The following UBE2K variants were observed in gnomAD, a reference collection of about 807,000 sequenced individuals.
UBE2K encodes ubiquitin conjugating enzyme E2 K.
UBE2K carries 6 observed loss-of-function variants against 30.0 expected under a neutral mutation model. The observed-to-expected ratio is 0.20, with a 90% confidence interval of 0.11 to 0.39. The LOEUF is 0.39. Among genes scored for constraint, UBE2K ranks in the 10% least tolerant of loss-of-function variants. UBE2K has a pLI of 1.00. For missense variants in UBE2K, 61 were observed against 241.6 expected, an observed-to-expected ratio of 0.25 and a Z score of 4.96; for synonymous variants, 86 against 83.7, an observed-to-expected ratio of 1.03 and a Z score of -0.15.
chr4:39,743,154 G>A (rs994906991), intron 2 of UBE2K, among the ~76,000 whole-genome samples: 2 of 152,300 alleles, frequency 1.3e-5, no homozygotes, highest in South Asian at 4.1e-4. Flanking sequence ...TAACAATGGA[G>A]GAGTGAGGAG....
Position 39,740,647 on chromosome 4 carries a change from G to C in UBE2K, c.157+3134G>C, listed in dbSNP as rs191357407. ...GGAGGCTGAGGCGGGCAGATCACGA[G>C]GTCAGGAGATCGAGACCGTCCTGGC... On this transcript the variant is annotated intron_variant, in intron 2 of 6. Coordinates refer to ENST00000261427, the MANE Select transcript of UBE2K (RefSeq NM_005339.5). Among the ~76,000 whole-genome samples the C allele has an allele frequency of 2.5e-3, 377 of 151,710 alleles. 3 individuals are homozygous for C. Among genetic ancestry groups the C allele is most frequent in the African/African-American group, 8.7e-3 (358 of 41,372 alleles).
chr4:39,747,129 G>A (rs537624264), intron 3 of UBE2K, among the ~76,000 whole-genome samples: 2 of 152,274 alleles, frequency 1.3e-5, no homozygotes, highest in Admixed American at 6.5e-5. Context: ...ATTATGGGCT[G>A]CCTATTAGTC....
At chr4:39,748,539 G>A (rs1436035070) in intron 3 of UBE2K, among the ~76,000 whole-genome samples, 1 of 151,922 alleles carries the variant, frequency 6.6e-6, no homozygotes, top group Non-Finnish European at 1.5e-5. Context: ...CAGCACTTTA[G>A]GAAGTCAAGG....
At chr4:39,759,927 A>G (rs916719096) in intron 4 of UBE2K, among the ~76,000 whole-genome samples, 4 of 152,078 alleles carry the variant, frequency 2.6e-5, no homozygotes, top group African/African-American at 4.8e-5. Flanking sequence ...TGTTATCCCA[A>G]CACTTTGGGA....
intron 1 of UBE2K, among the ~76,000 whole-genome samples, chr4:39,723,106 C>T (rs1409246566): frequency 6.6e-6 from 1 of 151,074 alleles, no homozygotes; most frequent in Non-Finnish European, 1.5e-5. Context: ...TGCAGTGGTA[C>T]AACTTCAGCT....
intron 2 of UBE2K, among the ~76,000 whole-genome samples, chr4:39,745,113 A>T (rs1457562791): frequency 6.6e-6 from 1 of 152,188 alleles, no homozygotes; most frequent in East Asian, 1.9e-4. Context: ...CAGTCCTCCC[A>T]CCTCGGCCTC....
rs897366013 is a variant in UBE2K, at chr4:39,738,782, A to T, written c.157+1269A>T. Among the ~76,000 whole-genome samples the T allele has an allele frequency of 1.3e-5, 2 of 151,860 alleles. 1 individual carries two copies. The highest frequency in any genetic ancestry group is 2.9e-5 in the Non-Finnish European group (2 of 67,988). Reference sequence around the variant, plus strand: ...ATCCTCCATCTCCCAGAATCAAGTGATTCTCCTGCCTTAGCCTCCTGAGTA... The same window carrying T: ...ATCCTCCATCTCCCAGAATCAAGTGTTTCTCCTGCCTTAGCCTCCTGAGTA... On this transcript the variant is annotated intron_variant, in intron 2 of 6. Transcript: ENST00000261427.
intron 4 of UBE2K, among the ~76,000 whole-genome samples, chr4:39,764,462 C>T (rs980641917): frequency 6.7e-6 from 1 of 150,352 alleles, no homozygotes; most frequent in Non-Finnish European, 1.5e-5. Flanking sequence ...TTTGCCCCTG[C>T]CAGACATGGT....
intron 2 of UBE2K, among the ~76,000 whole-genome samples, chr4:39,745,230 T>C (rs1007371185): frequency 5.3e-5 from 8 of 152,240 alleles, no homozygotes; most frequent in Admixed American, 6.5e-5. Flanking sequence ...CAAATAAGTA[T>C]TGACATTTAA....
chr4:39,702,129 A>C (rs1248745223), intron 1 of UBE2K, among the ~76,000 whole-genome samples: 1 of 151,596 alleles, frequency 6.6e-6, no homozygotes, highest in Non-Finnish European at 1.5e-5. Context: ...AACACCCTTA[A>C]ATCAGTGCAC....
Position 39,769,985 on chromosome 4 carries a change from G to T in UBE2K, c.300-4849G>T. On this transcript the variant is annotated intron_variant, in intron 4 of 6. Coordinates refer to ENST00000261427, the MANE Select transcript of UBE2K (RefSeq NM_005339.5). ...CTCAGCCTCCCACTCTTACCTTTCT[G>T]CCCCAGACCCCCCACCCACCAATTC... 3.2e-6 allele frequency: 3 copies of T among 936,620 alleles called. No homozygotes were observed. The South Asian group carries it at 4.9e-5, about 15-fold the overall frequency. The allele number at this position is 936,620 out of a possible 1,614,324, so 58.0% of individuals were successfully genotyped here. A position where few individuals can be genotyped will look rare whatever the true frequency, so the allele number is the denominator to read the frequency against.
At chr4:39,740,589 G>T (rs532031876) in intron 2 of UBE2K, among the ~76,000 whole-genome samples, 8 of 151,434 alleles carry the variant, frequency 5.3e-5, no homozygotes, top group African/African-American at 1.9e-4. Flanking sequence ...ATGGCCGAGT[G>T]CGGTGGCTCA....
chr4:39,727,842 T>G (rs1719839554), intron 1 of UBE2K, among the ~76,000 whole-genome samples: 1 of 152,118 alleles, frequency 6.6e-6, no homozygotes, highest in Admixed American at 6.5e-5. Context: ...ACTGAAATCT[T>G]AGAAGTGAGC....
chr4:39,698,571 C>G, intron 1 of UBE2K, among the ~76,000 whole-genome samples, 181 bp downstream of exon 1: 1 of 152,076 alleles, frequency 6.6e-6, no homozygotes, highest in East Asian at 1.9e-4. Flanking sequence ...TCCCAGAGCG[C>G]TAGGATGGAC....
At chr4:39,740,811 C>T (rs563916351) in intron 2 of UBE2K, among the ~76,000 whole-genome samples, 48 of 140,760 alleles carry the variant, frequency 3.4e-4, no homozygotes, top group Non-Finnish European at 6.2e-4. Flanking sequence ...TGCAGTGAGC[C>T]GAGATTGTGC....
At chr4:39,703,209 C>T (rs1364369312) in intron 1 of UBE2K, among the ~76,000 whole-genome samples, 4 of 152,060 alleles carry the variant, frequency 2.6e-5, no homozygotes, top group Admixed American at 2.0e-4. Flanking sequence ...CCAGGCTGGC[C>T]TGACAAAACT....
chr4:39,712,988 G>C (rs941957797), intron 1 of UBE2K, among the ~76,000 whole-genome samples: 11 of 151,616 alleles, frequency 7.3e-5, no homozygotes, highest in Non-Finnish European at 1.3e-4. Context: ...GCCTCAGCCT[G>C]CCAAGTAGTT....
chr4:39,763,696 G>A (rs1712124827), intron 4 of UBE2K, among the ~76,000 whole-genome samples: 1 of 152,174 alleles, frequency 6.6e-6, no homozygotes, highest in South Asian at 2.1e-4. Context: ...TGCAGCATGA[G>A]ATTTGGAGAG....
chr4:39,737,487 C>A lies in UBE2K; in HGVS notation c.131C>A (p.Ala44Glu). 2 of 1,579,480 alleles carry A rather than the reference C, an allele frequency of 1.3e-6. No individual in the cohort carries two copies. The highest frequency in any genetic ancestry group is 1.2e-5 in the South Asian group (1 of 81,638). ...ENFTELRGEI[A>E]GPPDTPYEGG... is the part of the protein sequence containing the mutation. ...TTTACAGAATTAAGAGGAGAAATAG[C>A]AGGACCTCCAGACACACCATATGAA... Residue 44 changes from alanine (A) to glutamate (E), a missense_variant, in exon 2 of 7, where the codon GCA becomes GAA. Ala to Glu is a moderately radical substitution (Grantham distance 107, BLOSUM62 -1). Coordinates refer to ENST00000261427, the MANE Select transcript of UBE2K (RefSeq NM_005339.5).
Sources: allele counts gnomAD v4.1 joint callset (sites outside exome capture counted in the v4.1 genomes callset), GRCh38; gene constraint gnomAD v4.1.1; transcripts MANE v1.5; gene names NCBI Gene and HGNC (gene_info 2026-07-23, HGNC 2026-07-21).